The following CALN1 variants were observed in gnomAD, a reference collection of about 807,000 sequenced individuals.
CALN1 encodes calneuron 1, also known as calcium-binding protein 8.
In CALN1, 17 loss-of-function variants were observed where a neutral mutation model predicts 30.6. The ratio of observed to expected loss-of-function variants is 0.56; its 90% CI spans 0.38 to 0.83. The LOEUF (loss-of-function observed/expected upper bound fraction) is 0.83, where lower values mean the gene tolerates loss of function less well. CALN1 is among the 40% of genes least tolerant of loss of function. The pLI, the probability that CALN1 is intolerant of heterozygous loss-of-function variation, is 0.00. For synonymous variants in CALN1, 156 were observed against 131.4 expected, an observed-to-expected ratio of 1.19 and a Z score of -1.28; for missense variants, 291 against 354.9, an observed-to-expected ratio of 0.82 and a Z score of 1.45.
At chr7:72,395,343 C>G (rs1010131305) in intron 2 of CALN1, among the ~76,000 whole-genome samples, 1 of 122,678 alleles carries the variant, frequency 8.2e-6, no homozygotes, top group Non-Finnish European at 1.7e-5. Context: ...TACACACACA[C>G]GCTGCGCACG....
At position 71,946,920 on chromosome 7, in the gene CALN1, C is replaced by A. The variant is rs536192275; in HGVS notation, c.501+76737G>T. 1.6e-4 allele frequency among the ~76,000 whole-genome samples: 25 copies of A among 152,250 alleles called. No homozygotes were observed. The South Asian group carries it at 4.4e-3, about 27-fold the overall frequency. ...CTTCTCATGAACTCCTGGGCTCAAG[C>A]AATCTTCCTACCTTGACCCAAAGCA... On this transcript the variant is annotated intron_variant, in intron 5 of 6. Coordinates refer to ENST00000395275, the MANE Select transcript of CALN1 (RefSeq NM_031468.4).
chr7:71,975,636 A>G (rs1584656182), intron 5 of CALN1, among the ~76,000 whole-genome samples: 1 of 151,764 alleles, frequency 6.6e-6, no homozygotes, highest in African/African-American at 2.4e-5. Context: ...TTGCTTTGTG[A>G]CCCAGGCTGG....
intron 2 of CALN1, among the ~76,000 whole-genome samples, chr7:72,399,572 C>T (rs1205579316): frequency 6.6e-6 from 1 of 152,066 alleles, no homozygotes; most frequent in Non-Finnish European, 1.5e-5. Context: ...CCTGACCTAA[C>T]CTATTGCTTT....
chr7:71,810,255 T>G (rs1787869999), intron 6 of CALN1, 81 bp downstream of exon 6: 1 of 1,459,476 alleles, frequency 6.9e-7, no homozygotes, highest in South Asian at 1.3e-5. Context: ...AGAGCCTGTG[T>G]GTGAACGCAT....
chr7:72,493,427 C>T, the CALN1 span, among the ~76,000 whole-genome samples: 1 of 152,040 alleles, frequency 6.6e-6, no homozygotes, highest in Non-Finnish European at 1.5e-5. Flanking sequence ...CAGCCTCCAC[C>T]TCCCAAGTTG....
intron 5 of CALN1, among the ~76,000 whole-genome samples, chr7:72,005,802 TG>T (rs1290160956): frequency 9.2e-6 from 1 of 108,654 alleles, no homozygotes; most frequent in Non-Finnish European, 1.9e-5. Context: ...GAGTTAGGGG[TG>T]GGGGTGGGAA....
chr7:72,237,560 A>G (rs1274522020), intron 3 of CALN1, among the ~76,000 whole-genome samples: 1 of 152,182 alleles, frequency 6.6e-6, no homozygotes, highest in Admixed American at 6.5e-5. Flanking sequence ...ACAGAAGCAG[A>G]AAAATGCATT....
chr7:72,334,373 G>A (rs1000995987), intron 2 of CALN1, among the ~76,000 whole-genome samples: 8 of 152,158 alleles, frequency 5.3e-5, no homozygotes, highest in Non-Finnish European at 1.0e-4. Context: ...CCTGGCTGGT[G>A]ACCCTCAAGA....
chr7:71,936,077 C>A (rs1456942162), intron 5 of CALN1, among the ~76,000 whole-genome samples: 1 of 152,130 alleles, frequency 6.6e-6, no homozygotes, highest in Non-Finnish European at 1.5e-5. Context: ...TGACCAGAAG[C>A]CATGTCAGAA....
intron 2 of CALN1, among the ~76,000 whole-genome samples, chr7:72,307,228 T>C (rs1212545844): frequency 6.6e-6 from 1 of 152,212 alleles, no homozygotes; most frequent in East Asian, 1.9e-4. Flanking sequence ...TAACATAAAA[T>C]GAATAGTATG....
intron 3 of CALN1, among the ~76,000 whole-genome samples, chr7:72,194,645 G>T (rs1182692635): frequency 6.8e-6 from 1 of 146,466 alleles, no homozygotes; most frequent in Non-Finnish European, 1.5e-5. Context: ...AGGCTGGAGT[G>T]CAGTGGCACG....
At chr7:72,186,675 T>A (rs760604967) in intron 3 of CALN1, among the ~76,000 whole-genome samples, 17 of 152,110 alleles carry the variant, frequency 1.1e-4, no homozygotes, top group Admixed American at 3.9e-4. Context: ...CTATTTGGTT[T>A]TCTGTTTCTG....
intron 3 of CALN1, among the ~76,000 whole-genome samples, chr7:72,243,756 C>A (rs1385534047): frequency 6.6e-6 from 1 of 152,162 alleles, no homozygotes; most frequent in Non-Finnish European, 1.5e-5. Context: ...GGCCATAGAA[C>A]TAACTGTGAG....
chr7:71,832,599 A>T (rs981792608), intron 5 of CALN1, among the ~76,000 whole-genome samples: 7 of 151,798 alleles, frequency 4.6e-5, no homozygotes, highest in African/African-American at 1.7e-4. Context: ...ACAGCTCCTA[A>T]GTGTTTCCTT....
At chr7:72,457,051 C>T in the CALN1 span, among the ~76,000 whole-genome samples, 1 of 123,992 alleles carries the variant, frequency 8.1e-6, no homozygotes, top group African/African-American at 3.1e-5. Flanking sequence ...TCTTGTTGCT[C>T]AGGCTGGAGT....
chr7:72,111,032 A>C (rs1186214717), intron 3 of CALN1, among the ~76,000 whole-genome samples: 1 of 152,198 alleles, frequency 6.6e-6, no homozygotes, highest in Admixed American at 6.5e-5. Flanking sequence ...CTTTTCACCG[A>C]AACGTACTCC....
intron 6 of CALN1, among the ~76,000 whole-genome samples, chr7:71,806,364 T>C (rs975840061): frequency 3.5e-4 from 52 of 149,144 alleles, no homozygotes; most frequent in Non-Finnish European, 6.5e-4. Context: ...TGGAGTGCAA[T>C]GGCGCGATCT....
chr7:72,336,570 C>A (rs1243644679), intron 2 of CALN1: 3 of 484,920 alleles, frequency 6.2e-6, no homozygotes, highest in East Asian at 3.0e-4. Flanking sequence ...TGTCTGCCAA[C>A]CATCTGCCCA....
chr7:71,888,940 T>C (rs149213390), intron 5 of CALN1, among the ~76,000 whole-genome samples: 5 of 152,236 alleles, frequency 3.3e-5, no homozygotes, highest in Non-Finnish European at 7.4e-5. Flanking sequence ...GTTCACAATG[T>C]AGGAATCCAG....
Sources: allele counts gnomAD v4.1 joint callset (sites outside exome capture counted in the v4.1 genomes callset), GRCh38; gene constraint gnomAD v4.1.1; transcripts MANE v1.5; gene names NCBI Gene and HGNC (gene_info 2026-07-23, HGNC 2026-07-21).